The following PLXNA2 variants were observed in gnomAD, a reference collection of about 807,000 sequenced individuals.
PLXNA2 encodes plexin A2.
PLXNA2 carries 91 observed loss-of-function variants against 193.5 expected under a neutral mutation model. That is an observed-to-expected ratio of 0.47 (90% CI 0.40 to 0.56). PLXNA2 has a LOEUF of 0.56. Ranked by LOEUF, PLXNA2 falls within the 20% of genes least tolerant of loss-of-function variation. The pLI is 0.00. For synonymous variants in PLXNA2, 997 were observed against 1,027.3 expected, an observed-to-expected ratio of 0.97 and a Z score of 0.56; for missense variants, 1,995 against 2,503.2, an observed-to-expected ratio of 0.80 and a Z score of 4.33.
intron 3 of PLXNA2, among the ~76,000 whole-genome samples, chr1:208,164,518 C>A (rs1669234209): frequency 6.6e-6 from 1 of 152,228 alleles, no homozygotes; most frequent in African/African-American, 2.4e-5. Flanking sequence ...CTAAGAAATA[C>A]TTTCTTTCCA....
Position 208,082,395 on chromosome 1 carries a change from C to G in PLXNA2, c.2395+17G>C, listed in dbSNP as rs41283124. The G allele has an allele frequency of 5.0e-6, 8 of 1,606,816 alleles. No individual in the cohort carries two copies. The highest frequency in any genetic ancestry group is 2.2e-5 in the East Asian group (1 of 44,802). Reference sequence around the variant, plus strand: ...GTCGTGAAAAGATCAAACTTCTACCCGGAAGTAGCCGCTTACCTTTCAGGT... The same window carrying G: ...GTCGTGAAAAGATCAAACTTCTACCGGGAAGTAGCCGCTTACCTTTCAGGT... On this transcript the variant is annotated intron_variant, in intron 11 of 31. Coordinates refer to ENST00000367033, the MANE Select transcript of PLXNA2 (RefSeq NM_025179.4). The surrounding 1 kb of genome is among the most constrained non-coding windows in gnomAD (Gnocchi z 4.2).
intron 3 of PLXNA2, among the ~76,000 whole-genome samples, chr1:208,162,365 A>G (rs1417431915): frequency 6.6e-6 from 1 of 152,246 alleles, no homozygotes; most frequent in Non-Finnish European, 1.5e-5. Context: ...CCTGGGTATT[A>G]CATTCCTGAC....
intron 6 of PLXNA2, 141 bp from the exon 7 acceptor site, chr1:208,097,024 T>G (rs1247838120): frequency 1.5e-6 from 1 of 667,678 alleles, no homozygotes; most frequent in Non-Finnish European, 2.5e-6. Context: ...TAAGTGGTCT[T>G]CCAGCTTTGA....
At chr1:208,035,339 C>T (rs997426296) in intron 26 of PLXNA2, among the ~76,000 whole-genome samples, 1 of 152,220 alleles carries the variant, frequency 6.6e-6, no homozygotes, top group Non-Finnish European at 1.5e-5. Flanking sequence ...TCACACTGGT[C>T]TGAAGCCCAT....
intron 4 of PLXNA2, among the ~76,000 whole-genome samples, chr1:208,122,770 A>C (rs1667845048): frequency 6.6e-6 from 1 of 152,212 alleles, no homozygotes; most frequent in African/African-American, 2.4e-5. Flanking sequence ...TAAGGATGGC[A>C]GAACCCTTAG....
chr1:208,142,253 C>T (rs1473338879), intron 4 of PLXNA2, 76 bp downstream of exon 4: 2 of 1,477,338 alleles, frequency 1.4e-6, no homozygotes, highest in Non-Finnish European at 9.1e-7. Context: ...TTGGACTGAA[C>T]AGTTTCTGAA....
intron 9 of PLXNA2, among the ~76,000 whole-genome samples, chr1:208,090,142 G>A (rs1666662601): frequency 6.6e-6 from 1 of 152,182 alleles, no homozygotes; most frequent in African/African-American, 2.4e-5. Flanking sequence ...GAGCAAAGTT[G>A]GGAGCTGGAT....
chr1:208,209,499 T>C (rs1275574124), intron 3 of PLXNA2, among the ~76,000 whole-genome samples: 1 of 152,194 alleles, frequency 6.6e-6, no homozygotes, highest in Non-Finnish European at 1.5e-5. Flanking sequence ...AGAATGTGGC[T>C]GCTCTAATCC....
rs538219865 is a variant in PLXNA2, at chr1:208,042,490, A to G, written c.4018-124T>C. ...GTAGGACCCTATGTTTGAGGCCTAT[A>G]ACCAACCCCACCCCATTCCACTCAC... is the stretch of plus-strand genomic sequence containing the variant. On this transcript the variant is annotated intron_variant, in intron 21 of 31. Coordinates refer to ENST00000367033, the MANE Select transcript of PLXNA2 (RefSeq NM_025179.4). The G allele has an allele frequency of 2.6e-4, 244 of 954,554 alleles. 1 individual carries two copies. The South Asian group carries it at 3.8e-3, about 15-fold the overall frequency. The allele number at this position is 954,554 out of a possible 1,614,324, so 59.1% of individuals were successfully genotyped here. A position where few individuals can be genotyped will look rare whatever the true frequency, so the allele number is the denominator to read the frequency against.
At chr1:208,043,963 A>G (rs1329473735) in intron 20 of PLXNA2, among the ~76,000 whole-genome samples, 1 of 152,240 alleles carries the variant, frequency 6.6e-6, no homozygotes, top group Non-Finnish European at 1.5e-5. Flanking sequence ...TGCGTGGGAC[A>G]TGGGAGAAAA....
In PLXNA2 at chr1:208,095,964, C is replaced by T. The variant is rs1011401712; in HGVS notation, c.1982+65G>A. On this transcript the variant is annotated intron_variant, in intron 8 of 31. Coordinates refer to ENST00000367033, the MANE Select transcript of PLXNA2 (RefSeq NM_025179.4). ...TTCCTGCCCTAAAGGAGCTTAGCAT[C>T]GAGGGGAAGAAAGCCCATACCCACA... 4.7e-5 allele frequency: 58 copies of T among 1,240,520 alleles called. No individual in the cohort carries two copies. The Admixed American group carries it at 5.8e-4, about 12-fold the overall frequency. The allele number at this position is 1,240,520 out of a possible 1,614,324, so 76.8% of individuals were successfully genotyped here.
chr1:208,164,731 C>T (rs982743530), intron 3 of PLXNA2, among the ~76,000 whole-genome samples: 4 of 152,190 alleles, frequency 2.6e-5, no homozygotes, highest in African/African-American at 7.2e-5. Context: ...CAGCCCTCCT[C>T]GCCTTCAGAT....
chr1:208,095,461 G>A (rs1292120012), intron 8 of PLXNA2, among the ~76,000 whole-genome samples: 1 of 152,142 alleles, frequency 6.6e-6, no homozygotes, highest in East Asian at 1.9e-4. Context: ...GGCCTGTCTG[G>A]TTTCCCTTCC....
chr1:208,214,232 T>A (rs1671053743), intron 2 of PLXNA2, among the ~76,000 whole-genome samples: 1 of 152,204 alleles, frequency 6.6e-6, no homozygotes. Flanking sequence ...ATATTAATAA[T>A]CATAGCGGCC....
chr1:208,193,034 T>C lies in PLXNA2; in HGVS notation c.1371+17246A>G, dbSNP rs577543359. Among the ~76,000 whole-genome samples, 5 of 152,330 alleles carry C rather than the reference T, an allele frequency of 3.3e-5. No homozygotes were observed. In the South Asian group the frequency reaches 1.0e-3, roughly 32 times the overall value. ...TACAAATGTTTGTAAAACATTTTTC[T>C]GGTAGATCACAGACCCCCTGAATCC... On this transcript the variant is annotated intron_variant, in intron 3 of 31. Transcript: ENST00000367033.
chr1:208,025,708 T>C lies in PLXNA2; in HGVS notation c.*1535A>G, dbSNP rs566022826. ...TCTCGATGACTCCCACTGGCTTCTA[T>C]GGGGCCTTTGGACCTGGGCATGGAG... is the stretch of plus-strand genomic sequence containing the variant. On this transcript the variant is annotated 3_prime_UTR_variant, in exon 32 of 32. Coordinates refer to ENST00000367033, the MANE Select transcript of PLXNA2 (RefSeq NM_025179.4). 21 of 152,442 alleles carry C rather than the reference T, an allele frequency of 1.4e-4. 1 individual carries two copies. Among genetic ancestry groups the C allele is most frequent in the African/African-American group, 4.6e-4 (19 of 41,586 alleles). 9.4% of individuals were successfully genotyped at this position (152,442 alleles called of 1,614,324 possible). A position where few individuals can be genotyped will look rare whatever the true frequency, so the allele number is the denominator to read the frequency against.
chr1:208,030,670 A>G, intron 29 of PLXNA2: 12 of 985,434 alleles, frequency 1.2e-5, no homozygotes, highest in Non-Finnish European at 1.4e-5. Flanking sequence ...TTGATTCCCA[A>G]ATAACAGCCT....
chr1:208,049,518 T>C (rs904974202), intron 17 of PLXNA2, among the ~76,000 whole-genome samples: 6 of 152,092 alleles, frequency 3.9e-5, no homozygotes, highest in African/African-American at 1.2e-4. Flanking sequence ...GGAGTGACCA[T>C]GGTGGATACT....
At chr1:208,165,114 G>A (rs769339825) in intron 3 of PLXNA2, among the ~76,000 whole-genome samples, 4 of 152,184 alleles carry the variant, frequency 2.6e-5, no homozygotes, top group Non-Finnish European at 4.4e-5. Flanking sequence ...GGCCTGGGGA[G>A]CCATGTAGCA....
Sources: allele counts gnomAD v4.1 joint callset (sites outside exome capture counted in the v4.1 genomes callset), GRCh38; gene constraint gnomAD v4.1.1; non-coding constraint Gnocchi (gnomAD v3.1); transcripts MANE v1.5; gene names NCBI Gene and HGNC (gene_info 2026-07-23, HGNC 2026-07-21).